The following ALOX12 variants were observed in gnomAD, a reference collection of about 807,000 sequenced individuals.
ALOX12 encodes polyunsaturated fatty acid lipoxygenase ALOX12.
ALOX12 carries 62 observed loss-of-function variants against 85.5 expected under a neutral mutation model. The observed-to-expected ratio is 0.73, with a 90% CI of 0.59 to 0.90. ALOX12 has a LOEUF of 0.90. Ranked by LOEUF, ALOX12 falls within the 40% of genes least tolerant of loss-of-function variation. The pLI is 0.00. For missense variants in ALOX12, 751 were observed against 856.5 expected (o/e 0.88, Z 1.54); for synonymous variants, 299 against 332.7 (o/e 0.90, Z 1.10).
chr17:7,001,530 T>C (rs1384791115), intron 7 of ALOX12, 72 bp from the exon 8 acceptor site: 1 of 1,413,758 alleles, frequency 7.1e-7, no homozygotes, highest in African/African-American at 1.4e-5. Flanking sequence ...CTTAGTCATC[T>C]CTGTTTCCCC....
chr17:7,002,101 G>C (rs1908740636), intron 8 of ALOX12: 2 of 415,828 alleles, frequency 4.8e-6, no homozygotes, highest in Non-Finnish European at 4.4e-6. Flanking sequence ...CTTAGATCTA[G>C]TATTTAGCCA....
Position 7,000,588 on chromosome 17 carries a change from G to A in ALOX12, c.951+109G>A. 5.3e-6 allele frequency: 7 copies of A among 1,308,668 alleles called. No individual in the cohort carries two copies. Among genetic ancestry groups the A allele is most frequent in the Non-Finnish European group, 4.3e-6 (4 of 938,370 alleles). 81.1% of individuals were successfully genotyped at this position (1,308,668 alleles called of 1,614,324 possible). On this transcript the variant is annotated intron_variant, in intron 7 of 13. Coordinates refer to ENST00000251535, the MANE Select transcript of ALOX12 (RefSeq NM_000697.3). This position sits in a 1 kb window ranked among gnomAD's most constrained non-coding sequence, Gnocchi z 4.6. ...CTCCCAAACCCCATCCTCACTCAGT[G>A]AGACTTGTCTTCATGTCACTATTTG...
At chr17:7,005,629 C>T (rs1909003629) in intron 9 of ALOX12, among the ~76,000 whole-genome samples, 2 of 151,704 alleles carry the variant, frequency 1.3e-5, no homozygotes, top group African/African-American at 2.4e-5. Context: ...TACAGGCGCC[C>T]GCCACCATGC....
intron 8 of ALOX12, among the ~76,000 whole-genome samples, chr17:7,004,010 G>A (rs1002182737): frequency 3.4e-5 from 1 of 29,368 alleles, no homozygotes; most frequent in Non-Finnish European, 1.3e-4. Context: ...ACGCATGTAA[G>A]GACCATGCCT....
rs1220719582 is a variant in ALOX12, at chr17:6,996,149, G to A, written c.32G>A (p.Gly11Glu). 1.6e-6 allele frequency: 2 copies of A among 1,253,246 alleles called. No homozygotes were observed. The highest frequency in any genetic ancestry group is 1.0e-6 in the Non-Finnish European group (1 of 992,008). The allele number at this position is 1,253,246 out of a possible 1,614,324, so 77.6% of individuals were successfully genotyped here. A position where few individuals can be genotyped will look rare whatever the true frequency, so the allele number is the denominator to read the frequency against. MGRYRIRVAT[G>E]AWLFSGSYNR... ...CGCTACCGCATCCGCGTGGCCACCG[G>A]GGCCTGGCTCTTCTCCGGGTCGTAC... The change falls in exon 1 of 14, where the codon GGG becomes GAG. Residue 11 changes from glycine (G) to glutamate (E), a missense_variant. Gly to Glu is a moderately conservative substitution (Grantham distance 98). Coordinates refer to ENST00000251535, the MANE Select transcript of ALOX12 (RefSeq NM_000697.3).
chr17:7,006,292 G>C (rs1432136003), intron 10 of ALOX12, among the ~76,000 whole-genome samples, 194 bp from the exon 11 acceptor site: 1 of 152,038 alleles, frequency 6.6e-6, no homozygotes, highest in Non-Finnish European at 1.5e-5. Flanking sequence ...ATGTATGACA[G>C]CAACCATGCG....
Position 6,996,103 on chromosome 17 carries a change from C to A in ALOX12, c.-15C>A. 8.0e-7 allele frequency: 1 copy of A among 1,247,342 alleles called. No individual in the cohort carries two copies. Among genetic ancestry groups the A allele is most frequent in the Non-Finnish European group, 1.0e-6 (1 of 989,260 alleles). 77.3% of individuals were successfully genotyped at this position (1,247,342 alleles called of 1,614,324 possible). On this transcript the variant is annotated 5_prime_UTR_variant, in exon 1 of 14. In the 5' UTR this introduces an upstream ATG that the reference lacks. Coordinates refer to ENST00000251535, the MANE Select transcript of ALOX12 (RefSeq NM_000697.3). ...CAGGACCCGGCTCCCCTCGCCTAAG[C>A]TGCTGGGGGGCGCCATGGGCCGCTA...
At position 6,996,151 on chromosome 17, in the gene ALOX12, G is replaced by T; in HGVS notation, c.34G>T (p.Ala12Ser). Residue 12 changes from alanine (A) to serine (S), a missense_variant, in exon 1 of 14, where the codon GCC becomes TCC. Coordinates refer to ENST00000251535, the MANE Select transcript of ALOX12 (RefSeq NM_000697.3). ...GRYRIRVATG[A>S]WLFSGSYNRV... ...CTACCGCATCCGCGTGGCCACCGGG[G>T]CCTGGCTCTTCTCCGGGTCGTACAA... 1.6e-6 allele frequency: 2 copies of T among 1,253,478 alleles called. No homozygotes were observed. The highest frequency in any genetic ancestry group is 2.0e-6 in the Non-Finnish European group (2 of 992,088). The allele number at this position is 1,253,478 out of a possible 1,614,324, so 77.6% of individuals were successfully genotyped here. A position where few individuals can be genotyped will look rare whatever the true frequency, so the allele number is the denominator to read the frequency against.
intron 5 of ALOX12, 75 bp downstream of exon 5, chr17:6,999,131 G>A (rs562085168): frequency 7.9e-6 from 12 of 1,517,540 alleles, no homozygotes; most frequent in South Asian, 3.4e-5. Context: ...ACAGTCCCCC[G>A]TAACTCTTTG....
At position 7,001,791 on chromosome 17, in the gene ALOX12, G is replaced by C; in HGVS notation, c.1141G>C (p.Gly381Arg). Residue 381 changes from glycine (G) to arginine (R), a missense_variant, in exon 8 of 14, where the codon GGA becomes CGA. Gly to Arg is a moderately radical substitution (Grantham distance 125). Coordinates refer to ENST00000251535, the MANE Select transcript of ALOX12 (RefSeq NM_000697.3). The part of the protein sequence containing the change: ...IAVATMRCLP[G>R]LHPIFKFLIP... Reference sequence around the variant, plus strand: ...TGTCGCCACCATGCGGTGCCTCCCAGGACTGCACCCCATCTTCAAGGTACT... The same window carrying C: ...TGTCGCCACCATGCGGTGCCTCCCACGACTGCACCCCATCTTCAAGGTACT... 2 of 1,614,020 alleles carry C rather than the reference G, an allele frequency of 1.2e-6. No individual in the cohort carries two copies. Among genetic ancestry groups the C allele is most frequent in the African/African-American group, 2.7e-5 (2 of 75,002 alleles).
intron 11 of ALOX12, among the ~76,000 whole-genome samples, chr17:7,007,651 A>G (rs1481561579): frequency 6.6e-6 from 1 of 152,192 alleles, no homozygotes; most frequent in Non-Finnish European, 1.5e-5. Context: ...TGGGAGGCTG[A>G]GGTGGGTGGA....
chr17:7,004,131 A>AATT, intron 8 of ALOX12, among the ~76,000 whole-genome samples: 1 of 142,068 alleles, frequency 7.0e-6, no homozygotes, highest in African/African-American at 2.5e-5. Flanking sequence ...TTAATTTTAA[A>AATT]TAAATAATTA....
chr17:7,006,546 T>C lies in ALOX12; in HGVS notation c.1479T>C (p.Pro493=), dbSNP rs140319733. ...YQRDDIVKGD[P]ELQAWCREIT... ...GGGATGACATAGTGAAGGGGGACCC[T>C]GAGCTGCAGGCCTGGTGTCGGGAGA... Residue 493 remains proline (P), a synonymous_variant, in exon 11 of 14, where the codon CCT becomes CCC. Coordinates refer to ENST00000251535, the MANE Select transcript of ALOX12 (RefSeq NM_000697.3). 13 of 1,613,676 alleles carry C rather than the reference T, an allele frequency of 8.1e-6. No individual in the cohort carries two copies. The highest frequency in any genetic ancestry group is 1.7e-4 in the Middle Eastern group (1 of 6,058).
Position 7,009,791 on chromosome 17 carries a change from C to T in ALOX12, c.1585C>T (p.Leu529Phe). 6.2e-7 allele frequency: 1 copy of T among 1,614,252 alleles called. No homozygotes were observed. Among genetic ancestry groups the T allele is most frequent in the Non-Finnish European group, 8.5e-7 (1 of 1,180,050 alleles). The change falls in exon 12 of 14, where the codon CTC becomes TTC. Residue 529 changes from leucine (L) to phenylalanine (F), a missense_variant. Transcript: ENST00000251535. The stretch of plus-strand genomic sequence containing the variant: ...GTCCCAGAGTCAACTCTGCCATTTC[C>T]TCACCATGTGCGTCTTCACGTGCAC... ...FQSQSQLCHF[L>F]TMCVFTCTAQ...
In ALOX12 at chr17:7,006,060, C is replaced by CGGGGG. The variant is rs1555568712; in HGVS notation, c.1418+43_1418+47dup. 15 of 91,234 alleles carry CGGGGG rather than the reference C, an allele frequency of 1.6e-4. 1 individual carries two copies. Among genetic ancestry groups the CGGGGG allele is most frequent in the Admixed American group, 1.2e-3 (4 of 3,402 alleles). 5.7% of individuals were successfully genotyped at this position (91,234 alleles called of 1,614,324 possible). A position where few individuals can be genotyped will look rare whatever the true frequency, so the allele number is the denominator to read the frequency against. On this transcript the variant is annotated intron_variant, in intron 10 of 13. Transcript: ENST00000251535. ...AGGAGGAGCTGAGAAATGGTGGGGC[C>CGGGGG]GGGGGGGGGGGGGGCTCTGGCCTGA...
chr17:6,997,125 T>C (rs2070590), intron 2 of ALOX12, 98 bp downstream of exon 2: 9 of 1,443,164 alleles, frequency 6.2e-6, no homozygotes, highest in African/African-American at 1.4e-5. Flanking sequence ...ACTTAGAGGA[T>C]GTATGGGCCC....
At chr17:6,998,645 C>A in intron 3 of ALOX12, 55 bp downstream of exon 3, 1 of 1,366,532 alleles carries the variant, frequency 7.3e-7, no homozygotes, top group Non-Finnish European at 1.0e-6. Flanking sequence ...CCCTTCCCTG[C>A]CCCTGCCCCT....
At chr17:6,997,197 T>G in intron 2 of ALOX12, 170 bp downstream of exon 2, 132 of 910,262 alleles carry the variant, frequency 1.5e-4, no homozygotes, top group South Asian at 2.5e-4. Flanking sequence ...AGTTATGAAT[T>G]CCCAAAGTTT....
chr17:6,996,088 C>A lies in ALOX12; in HGVS notation c.-30C>A. On this transcript the variant is annotated 5_prime_UTR_variant, in exon 1 of 14. Coordinates refer to ENST00000251535, the MANE Select transcript of ALOX12 (RefSeq NM_000697.3). ...GTCCCGGGAATCGCACAGGACCCGGCTCCCCTCGCCTAAGCTGCTGGGGGG... is the reference window on the plus strand; with the variant it reads ...GTCCCGGGAATCGCACAGGACCCGGATCCCCTCGCCTAAGCTGCTGGGGGG... 1 of 1,243,484 alleles carries A rather than the reference C, an allele frequency of 8.0e-7. No individual in the cohort carries two copies. The allele number at this position is 1,243,484 out of a possible 1,614,324, so 77.0% of individuals were successfully genotyped here.
Sources: allele counts gnomAD v4.1 joint callset (sites outside exome capture counted in the v4.1 genomes callset), GRCh38; gene constraint gnomAD v4.1.1; non-coding constraint Gnocchi (gnomAD v3.1); transcripts MANE v1.5; gene names NCBI Gene and HGNC (gene_info 2026-07-23, HGNC 2026-07-21).